IL1RAPL1: variants seen among roughly 807,000 people sequenced by gnomAD.
The protein encoded by IL1RAPL1 is interleukin-1 receptor accessory protein-like 1.
IL1RAPL1 carries 3 observed loss-of-function variants against 48.4 expected under a neutral mutation model. The observed-to-expected ratio is 0.06, with a 90% CI of 0.03 to 0.16. The LOEUF is 0.16. IL1RAPL1 is among the 10% of genes least tolerant of loss of function. IL1RAPL1 has a pLI of 1.00. For synonymous variants in IL1RAPL1, 185 were observed against 187.7 expected, an observed-to-expected ratio of 0.99 and a Z score of 0.12; for missense variants, 349 against 530.6, an observed-to-expected ratio of 0.66 and a Z score of 3.36.
At chrX:28,724,750 T>A (rs1024998030) in intron 1 of IL1RAPL1, among the ~76,000 whole-genome samples, 1 of 111,147 alleles carries the variant, frequency 9.0e-6, no homozygotes, top group Non-Finnish European at 1.9e-5. Context: ...TTTCTTTCCA[T>A]GTTTAGTGCT....
intron 1 of IL1RAPL1, among the ~76,000 whole-genome samples, chrX:28,769,987 G>T (rs1482509841): frequency 8.9e-6 from 1 of 112,058 alleles, no homozygotes; most frequent in Non-Finnish European, 1.9e-5. Flanking sequence ...CTGAATCTAA[G>T]TCTTTTAACT....
At chrX:29,890,330 A>G (rs1388189719) in intron 6 of IL1RAPL1, among the ~76,000 whole-genome samples, 3 of 111,881 alleles carry the variant, frequency 2.7e-5, no homozygotes, top group Non-Finnish European at 5.6e-5. Flanking sequence ...GAAATTAACA[A>G]TGGTTGCAAA....
At chrX:29,597,149 A>ATTTTTTTTTTTTTTTT (rs35180262) in intron 5 of IL1RAPL1, among the ~76,000 whole-genome samples, 35 of 55,965 alleles carry the variant, frequency 6.3e-4, no homozygotes, top group African/African-American at 2.1e-3. Context: ...TTTGTTGAGG[A>ATTTTTTTTTTTTTTTT]TTTTTTTTTT....
chrX:29,282,882 A>G (rs982006638), intron 2 of IL1RAPL1, 56 bp from the exon 3 acceptor site: 8 of 1,124,788 alleles, frequency 7.1e-6, no homozygotes, highest in Admixed American at 2.2e-5. Context: ...CTAATTGCTT[A>G]TTTTTTTTGC....
chrX:29,266,980 C>A (rs745928269), intron 2 of IL1RAPL1, among the ~76,000 whole-genome samples: 1 of 111,799 alleles, frequency 8.9e-6, no homozygotes, highest in Non-Finnish European at 1.9e-5. Context: ...AAGGGGCCAT[C>A]ATAGCACCAA....
At chrX:29,356,135 C>G (rs755309746) in intron 3 of IL1RAPL1, among the ~76,000 whole-genome samples, 1 of 111,179 alleles carries the variant, frequency 9.0e-6, no homozygotes, top group African/African-American at 3.3e-5. Context: ...TGTATTCATG[C>G]ATTAATTCAT....
intron 2 of IL1RAPL1, among the ~76,000 whole-genome samples, chrX:29,104,628 G>T (rs904814991): frequency 6.1e-4 from 68 of 110,998 alleles, no homozygotes; most frequent in African/African-American, 2.0e-3. Context: ...AATATAATTG[G>T]ATTGCTTCTA....
intron 5 of IL1RAPL1, among the ~76,000 whole-genome samples, chrX:29,553,290 G>C (rs1423790399): frequency 9.0e-6 from 1 of 111,412 alleles, no homozygotes; most frequent in African/African-American, 3.3e-5. Flanking sequence ...TAGCTGTTAG[G>C]TGCCCATGGC....
At chrX:29,760,587 T>A (rs895428879) in intron 6 of IL1RAPL1, among the ~76,000 whole-genome samples, 1 of 111,654 alleles carries the variant, frequency 9.0e-6, no homozygotes, top group Admixed American at 9.6e-5. Flanking sequence ...TACCTGTGGG[T>A]ATGTCCTGGA....
At chrX:28,664,230 T>G (rs1934851271) in intron 1 of IL1RAPL1, among the ~76,000 whole-genome samples, 1 of 112,496 alleles carries the variant, frequency 8.9e-6, no homozygotes, top group South Asian at 3.7e-4. Context: ...GCATTGTAAC[T>G]GTCCCCGAAA....
intron 2 of IL1RAPL1, among the ~76,000 whole-genome samples, chrX:29,268,812 T>C (rs981160236): frequency 1.8e-5 from 2 of 112,000 alleles, no homozygotes; most frequent in Admixed American, 9.5e-5. Flanking sequence ...TCTGTTGAAA[T>C]AAAGGATGAA....
intron 6 of IL1RAPL1, among the ~76,000 whole-genome samples, chrX:29,754,788 A>C (rs1928570680): frequency 8.8e-6 from 1 of 113,105 alleles, no homozygotes; most frequent in Admixed American, 9.3e-5. Context: ...CACTGCTTAT[A>C]AAACACACTG....
chrX:29,365,084 T>TA (rs1435408943), intron 3 of IL1RAPL1, among the ~76,000 whole-genome samples: 1 of 112,348 alleles, frequency 8.9e-6, no homozygotes, highest in Non-Finnish European at 1.9e-5. Flanking sequence ...TTTGCCATCA[T>TA]ATTTAATTCT....
chrX:29,792,817 C>G (rs1200034787), intron 6 of IL1RAPL1, among the ~76,000 whole-genome samples: 3 of 111,136 alleles, frequency 2.7e-5, no homozygotes, highest in African/African-American at 9.8e-5. Context: ...AATTCTAGAT[C>G]AGTGATTCTA....
At chrX:28,937,428 C>G (rs748952681) in intron 2 of IL1RAPL1, among the ~76,000 whole-genome samples, 31 of 111,126 alleles carry the variant, frequency 2.8e-4, no homozygotes, top group African/African-American at 1.0e-3. Flanking sequence ...GTCAAGAACA[C>G]AAAGTGTGGT....
chrX:29,283,558 G>A (rs185257721), intron 3 of IL1RAPL1, among the ~76,000 whole-genome samples: 2 of 112,525 alleles, frequency 1.8e-5, no homozygotes, highest in Non-Finnish European at 3.7e-5. Context: ...TGCTAAATGA[G>A]TTGTAACATT....
intron 2 of IL1RAPL1, among the ~76,000 whole-genome samples, chrX:28,882,623 A>G (rs988851281): frequency 1.1e-4 from 12 of 111,612 alleles, no homozygotes; most frequent in African/African-American, 2.9e-4. Flanking sequence ...AGCGTGGGTC[A>G]CAAGAGTGAA....
At chrX:29,227,235 A>C (rs1931100072) in intron 2 of IL1RAPL1, among the ~76,000 whole-genome samples, 1 of 110,728 alleles carries the variant, frequency 9.0e-6, no homozygotes, top group African/African-American at 3.3e-5. Flanking sequence ...TCCAAAGGTC[A>C]AAAAACACAA....
At chrX:29,884,877 A>C (rs1271498444) in intron 6 of IL1RAPL1, among the ~76,000 whole-genome samples, 1 of 111,343 alleles carries the variant, frequency 9.0e-6, no homozygotes, top group Non-Finnish European at 1.9e-5. Context: ...CATGCCTCTC[A>C]CTTGAAATTT....
Sources: allele counts gnomAD v4.1 joint callset (sites outside exome capture counted in the v4.1 genomes callset), GRCh38; gene constraint gnomAD v4.1.1; transcripts MANE v1.5; gene names NCBI Gene and HGNC (gene_info 2026-07-23, HGNC 2026-07-21).